ALPL: variants seen among roughly 807,000 people sequenced by gnomAD.
ALPL encodes the protein alkaline phosphatase, biomineralization associated.
Under a neutral mutation model 51.3 loss-of-function variants are expected in ALPL, and 42 were observed. The ratio of observed to expected loss-of-function variants is 0.82; its 90% CI spans 0.64 to 1.06. ALPL has a LOEUF of 1.06. Ranked by LOEUF, ALPL falls within the 50% of genes least tolerant of loss-of-function variation. The pLI, the probability that ALPL is intolerant of heterozygous loss-of-function variation, is 0.00. For missense variants in ALPL, 589 were observed against 709.4 expected, an observed-to-expected ratio of 0.83 and a Z score of 1.93; for synonymous variants, 279 against 296.4, an observed-to-expected ratio of 0.94 and a Z score of 0.60.
chr1:21,573,799 G>T lies in ALPL; in HGVS notation c.997G>T (p.Gly333Ter), dbSNP rs2148184880. Residue 333 changes from glycine to a stop codon, truncating the protein, a stop_gained and splice_region_variant, in exon 9 of 12, where the codon GGA becomes TGA. Transcript: ENST00000374840. LOFTEE classifies it high-confidence loss of function. ...NPKGFFLLVE[G>*]GRIDHGHHEG... ...CAAAGGCTTCTTCTTGCTGGTGGAAGGTAGGGACCCCGGGTCTGCTGAGAG... is the reference window on the plus strand; with the variant it reads ...CAAAGGCTTCTTCTTGCTGGTGGAATGTAGGGACCCCGGGTCTGCTGAGAG... The T allele has an allele frequency of 6.2e-7, 1 of 1,614,180 alleles. No homozygotes were observed. The highest frequency in any genetic ancestry group is 1.3e-5 in the African/African-American group (1 of 75,056).
intron 1 of ALPL, among the ~76,000 whole-genome samples, chr1:21,531,383 T>C (rs1363604867): frequency 6.6e-6 from 1 of 152,230 alleles, no homozygotes; most frequent in East Asian, 1.9e-4. Context: ...CAGCCCATGC[T>C]TTGACTTTAT....
At chr1:21,516,331 C>G (rs1163686912) in intron 1 of ALPL, among the ~76,000 whole-genome samples, 2 of 152,206 alleles carry the variant, frequency 1.3e-5, no homozygotes, top group Non-Finnish European at 2.9e-5. Flanking sequence ...CATTTCCCCT[C>G]CTCCACTCCT....
rs1177827603 is a variant in ALPL, at chr1:21,573,786, C to T, written c.984C>T (p.Phe328=). The change falls in exon 9 of 12, where the codon TTC becomes TTT. Residue 328 remains phenylalanine (F), a synonymous_variant. Transcript: ENST00000374840. ...QILRKNPKGF[F]LLVEGGRIDH... ...TGCGGAAGAACCCCAAAGGCTTCTT[C>T]TTGCTGGTGGAAGGTAGGGACCCCG... 1.9e-6 allele frequency: 3 copies of T among 1,614,192 alleles called. No homozygotes were observed. The highest frequency in any genetic ancestry group is 2.5e-6 in the Non-Finnish European group (3 of 1,180,028).
intron 1 of ALPL, among the ~76,000 whole-genome samples, chr1:21,530,099 T>A (rs1644008174): frequency 6.6e-6 from 1 of 152,128 alleles, no homozygotes; most frequent in South Asian, 2.1e-4. Flanking sequence ...TCTTTAGAAT[T>A]CATTGTGCTA....
chr1:21,567,936 C>T (rs1644589920), intron 6 of ALPL, among the ~76,000 whole-genome samples, 168 bp from the exon 7 acceptor site: 1 of 152,056 alleles, frequency 6.6e-6, no homozygotes, highest in Admixed American at 6.5e-5. Flanking sequence ...TTTCATCTCC[C>T]CACGCTGGAC....
At chr1:21,559,025 C>A (rs543439703) in intron 2 of ALPL, among the ~76,000 whole-genome samples, 172 of 152,218 alleles carry the variant, frequency 1.1e-3, no homozygotes, top group African/African-American at 3.3e-3. Context: ...AGAGCCAGTG[C>A]GTGTGTGAGG....
rs533617376 is a variant in ALPL, at chr1:21,527,357, A to G, written c.-105+17840A>G. Among the ~76,000 whole-genome samples the G allele has an allele frequency of 3.3e-5, 5 of 152,036 alleles. No individual in the cohort carries two copies. The South Asian group carries it at 1.0e-3, about 32-fold the overall frequency. On this transcript the variant is annotated intron_variant, in intron 1 of 11. Transcript: ENST00000374840. ...CTTCTTGTTCTTTTCTTTGAACTTG[A>G]ATTTGTTTTGAAAAACTAAACTTTA...
intron 1 of ALPL, among the ~76,000 whole-genome samples, chr1:21,524,875 C>T (rs899587266): frequency 3.9e-5 from 6 of 152,166 alleles, no homozygotes; most frequent in Non-Finnish European, 7.3e-5. Flanking sequence ...AGGGGCATGG[C>T]GGGGCAGTCC....
chr1:21,527,698 T>C (rs1043561304), intron 1 of ALPL, among the ~76,000 whole-genome samples: 3 of 151,966 alleles, frequency 2.0e-5, no homozygotes, highest in African/African-American at 7.3e-5. Flanking sequence ...TAGTGGCACC[T>C]GCCACCACAC....
At chr1:21,529,618 A>AT (rs1336669189) in intron 1 of ALPL, among the ~76,000 whole-genome samples, 1 of 152,170 alleles carries the variant, frequency 6.6e-6, no homozygotes, top group Non-Finnish European at 1.5e-5. Context: ...ACACTCTGTA[A>AT]TTTATTCTAC....
At chr1:21,517,032 A>G (rs1643813566) in intron 1 of ALPL, among the ~76,000 whole-genome samples, 1 of 152,234 alleles carries the variant, frequency 6.6e-6, no homozygotes, top group South Asian at 2.1e-4. Context: ...CAAATCATCT[A>G]ACACGAGGCC....
At chr1:21,516,099 C>T (rs976173686) in intron 1 of ALPL, among the ~76,000 whole-genome samples, 3 of 152,020 alleles carry the variant, frequency 2.0e-5, no homozygotes, top group Non-Finnish European at 2.9e-5. Flanking sequence ...AGGCTGGTTT[C>T]GAACTCCTGG....
rs1357725973 is a variant in ALPL at position 21,564,252 on chromosome 1, G to A, written c.648+36G>A. Reference sequence around the variant, plus strand: ...GGGGGCAGCCGGGCAGGGACGGGGTGAGGCGGGGCCTCTGGTGGGCAGGAG... The same window carrying A: ...GGGGGCAGCCGGGCAGGGACGGGGTAAGGCGGGGCCTCTGGTGGGCAGGAG... On this transcript the variant is annotated intron_variant, in intron 6 of 11. Transcript: ENST00000374840. This position sits in a 1 kb window ranked among gnomAD's most constrained non-coding sequence, Gnocchi z 5.8. 3.7e-6 allele frequency: 6 copies of A among 1,610,606 alleles called. No individual in the cohort carries two copies. Among genetic ancestry groups the A allele is most frequent in the Middle Eastern group, 3.3e-4 (2 of 6,042 alleles).
chr1:21,553,296 C>G (rs1369046860), intron 1 of ALPL, among the ~76,000 whole-genome samples: 1 of 152,098 alleles, frequency 6.6e-6, no homozygotes, highest in East Asian at 1.9e-4. Context: ...AATCAGTTGT[C>G]TGTGATGTCA....
At chr1:21,567,721 G>A (rs3767150) in intron 6 of ALPL, among the ~76,000 whole-genome samples, 27,858 of 152,176 alleles carry the variant, frequency 0.18, 3,131 homozygotes, top group East Asian at 0.45. Flanking sequence ...AAAACAGGTG[G>A]CCAGGGTTTA....
intron 1 of ALPL, among the ~76,000 whole-genome samples, chr1:21,545,061 T>C (rs1372450384): frequency 6.6e-6 from 1 of 152,276 alleles, no homozygotes; most frequent in Middle Eastern, 3.4e-3. Context: ...ACATTTACAA[T>C]GGTGATAGTG....
At chr1:21,557,215 G>T (rs549998484) in intron 2 of ALPL, among the ~76,000 whole-genome samples, 28 of 152,326 alleles carry the variant, frequency 1.8e-4, no homozygotes, top group Non-Finnish European at 3.5e-4. Context: ...ACACTCCAGT[G>T]TCTCCATCTG....
chr1:21,540,839 C>G (rs941935789), intron 1 of ALPL, among the ~76,000 whole-genome samples: 3 of 152,188 alleles, frequency 2.0e-5, no homozygotes, highest in Non-Finnish European at 4.4e-5. Flanking sequence ...GACTTTCTCT[C>G]TCTCCCCTTC....
chr1:21,559,571 G>T (rs1223491179), intron 2 of ALPL, among the ~76,000 whole-genome samples: 1 of 152,196 alleles, frequency 6.6e-6, no homozygotes, highest in Admixed American at 6.5e-5. Context: ...CCAGGCTGGA[G>T]TGCAGTGGTA....
Sources: allele counts gnomAD v4.1 joint callset (sites outside exome capture counted in the v4.1 genomes callset), GRCh38; gene constraint gnomAD v4.1.1; non-coding constraint Gnocchi (gnomAD v3.1); transcripts MANE v1.5; gene names NCBI Gene and HGNC (gene_info 2026-07-23, HGNC 2026-07-21).